Variants in EPB41L4B observed in about 807,000 individuals in gnomAD.
The protein encoded by EPB41L4B is erythrocyte membrane protein band 4.1 like 4B.
A neutral mutation model predicts 112.5 loss-of-function variants in EPB41L4B; 30 were observed. The observed-to-expected ratio is 0.27, with a 90% CI of 0.20 to 0.36. EPB41L4B has a LOEUF of 0.36. Among genes scored for constraint, EPB41L4B ranks in the 10% least tolerant of loss-of-function variants. EPB41L4B has a pLI of 1.00. For synonymous variants in EPB41L4B, 408 were observed against 439.7 expected, an observed-to-expected ratio of 0.93 and a Z score of 0.90; for missense variants, 1,024 against 1,133.3, an observed-to-expected ratio of 0.90 and a Z score of 1.38.
In EPB41L4B at chr9:109,172,143, C is replaced by T. The variant is rs990911176; in HGVS notation, c.*2411G>A. The T allele has an allele frequency of 1.3e-5, 2 of 152,148 alleles. No individual in the cohort carries two copies. The highest frequency in any genetic ancestry group is 4.1e-4 in the South Asian group (2 of 4,820). 9.4% of individuals were successfully genotyped at this position (152,148 alleles called of 1,614,324 possible). On this transcript the variant is annotated 3_prime_UTR_variant, in exon 26 of 26. Coordinates refer to ENST00000374566, the MANE Select transcript of EPB41L4B (RefSeq NM_019114.5). The stretch of plus-strand genomic sequence containing the variant: ...GGGAAGCGGGGAAGAAGCAGGAAGC[C>T]CAGAGCCTCCTGGAAACACTGGCCA...
rs146490056 is a variant in EPB41L4B at position 109,266,842 on chromosome 9, G to A, written c.533+631C>T. Among the ~76,000 whole-genome samples the A allele has an allele frequency of 3.5e-3, 524 of 151,836 alleles. 4 individuals are homozygous for A. Among genetic ancestry groups the A allele is most frequent in the African/African-American group, 0.012 (498 of 41,388 alleles). ...CAATTAGCAGAGTGTGATGGTGTGC[G>A]CCTGTAATCCCATCTACTCGGGTGG... On this transcript the variant is annotated intron_variant, in intron 4 of 25. Transcript: ENST00000374566.
intron 22 of EPB41L4B, among the ~76,000 whole-genome samples, chr9:109,188,709 C>T (rs1832353072): frequency 6.6e-6 from 1 of 152,160 alleles, no homozygotes; most frequent in African/African-American, 2.4e-5. Flanking sequence ...GGGCCTGTTC[C>T]AATGCCCTAC....
chr9:109,309,621 C>A (rs1837339189), intron 1 of EPB41L4B, among the ~76,000 whole-genome samples: 1 of 152,178 alleles, frequency 6.6e-6, no homozygotes, highest in South Asian at 2.1e-4. Flanking sequence ...CAACCCTGGC[C>A]AGATGCAGCA....
Position 109,249,749 on chromosome 9 carries a change from G to C in EPB41L4B, c.1310+1732C>G, listed in dbSNP as rs137962699. 8.8e-3 allele frequency among the ~76,000 whole-genome samples: 1,336 copies of C among 152,240 alleles called. 12 individuals carry two copies. Among genetic ancestry groups the C allele is most frequent in the Middle Eastern group, 0.044 (13 of 294 alleles). ...CTGCCAGAAGGATCCTAAAAATGGG[G>C]TGAATCTAGGGACCTACAACTAACC... is the stretch of plus-strand genomic sequence containing the variant. On this transcript the variant is annotated intron_variant, in intron 13 of 25. Coordinates refer to ENST00000374566, the MANE Select transcript of EPB41L4B (RefSeq NM_019114.5).
At chr9:109,247,308 A>G (rs1429505588) in intron 14 of EPB41L4B, among the ~76,000 whole-genome samples, 1 of 152,140 alleles carries the variant, frequency 6.6e-6, no homozygotes, top group Non-Finnish European at 1.5e-5. Context: ...CTCAGTGGAC[A>G]CTGTAAAATC....
chr9:109,197,669 G>T (rs973647229), intron 20 of EPB41L4B, among the ~76,000 whole-genome samples: 2 of 151,786 alleles, frequency 1.3e-5, no homozygotes, highest in Non-Finnish European at 2.9e-5. Flanking sequence ...GAGCCAGTTT[G>T]ATTAGCCGGG....
chr9:109,213,335 G>A (rs537783844), intron 17 of EPB41L4B, among the ~76,000 whole-genome samples: 1 of 152,124 alleles, frequency 6.6e-6, no homozygotes, highest in Non-Finnish European at 1.5e-5. Flanking sequence ...TCTGCAAATG[G>A]TTACTGAACA....
chr9:109,288,666 T>C lies in EPB41L4B; in HGVS notation c.307-8745A>G, dbSNP rs527877604. 1.1e-4 allele frequency among the ~76,000 whole-genome samples: 14 copies of C among 129,584 alleles called. No individual in the cohort carries two copies. In the East Asian group the frequency reaches 2.5e-3, roughly 23 times the overall value. 85.0% of individuals were successfully genotyped at this position (129,584 alleles called of 152,430 possible). A position where few individuals can be genotyped will look rare whatever the true frequency, so the allele number is the denominator to read the frequency against. The stretch of plus-strand genomic sequence containing the variant: ...TGAACCCAAAAGGCGGAGCTTGCAG[T>C]GAGCCGAGATCGTGCCACTGCACTC... On this transcript the variant is annotated intron_variant, in intron 1 of 25. Transcript: ENST00000374566.
rs575014761 is a variant in EPB41L4B, at chr9:109,311,232, A to AT, written c.306+8908dup. 2.5e-3 allele frequency among the ~76,000 whole-genome samples: 375 copies of AT among 152,330 alleles called. 1 individual carries two copies. The highest frequency in any genetic ancestry group is 8.9e-3 in the African/African-American group (369 of 41,574). ...TATTAATACCATGATTTTCAAAAAA[A>AT]TTCATAATTCAGGGTAGGTGCAGCT... On this transcript the variant is annotated intron_variant, in intron 1 of 25. Transcript: ENST00000374566.
intron 1 of EPB41L4B, among the ~76,000 whole-genome samples, chr9:109,281,588 G>A (rs186790574): frequency 3.2e-4 from 49 of 152,148 alleles, no homozygotes; most frequent in African/African-American, 9.9e-4. Flanking sequence ...CTGTAATCCC[G>A]CTATTCAGGA....
In EPB41L4B at chr9:109,207,999, A is replaced by G; in HGVS notation, c.1803T>C (p.Pro601=). 1 of 1,614,240 alleles carries G rather than the reference A, an allele frequency of 6.2e-7. No individual in the cohort carries two copies. Among genetic ancestry groups the G allele is most frequent in the Non-Finnish European group, 8.5e-7 (1 of 1,180,044 alleles). Residue 601 remains proline, a synonymous_variant, in exon 18 of 26, where the codon CCT becomes CCC. Coordinates refer to ENST00000374566, the MANE Select transcript of EPB41L4B (RefSeq NM_019114.5). ...SEKTLQTPLL[P]SPVADHVKCN... Reference sequence around the variant, plus strand: ...ACTTCACATGATCCGCAACAGGGGAAGGCAAAAGTGGAGTCTGAAGAGTTT... The same window carrying G: ...ACTTCACATGATCCGCAACAGGGGAGGGCAAAAGTGGAGTCTGAAGAGTTT...
chr9:109,287,023 TGA>T (rs1397059106), intron 1 of EPB41L4B, among the ~76,000 whole-genome samples: 1 of 152,230 alleles, frequency 6.6e-6, no homozygotes, highest in Non-Finnish European at 1.5e-5. Context: ...CTGGTGTTTT[TGA>T]GTCAGTCTAT....
intron 25 of EPB41L4B, among the ~76,000 whole-genome samples, chr9:109,175,445 A>G (rs376073475): frequency 3.3e-5 from 5 of 149,298 alleles, no homozygotes; most frequent in African/African-American, 1.2e-4. Flanking sequence ...TTGCATATCT[A>G]TGTAACCTGT....
chr9:109,276,653 G>A (rs1835842654), intron 2 of EPB41L4B, among the ~76,000 whole-genome samples: 1 of 152,220 alleles, frequency 6.6e-6, no homozygotes, highest in Non-Finnish European at 1.5e-5. Context: ...GTATCCTGCT[G>A]TGAACACCCC....
At chr9:109,226,395 C>A (rs1334903803) in intron 15 of EPB41L4B, among the ~76,000 whole-genome samples, 1 of 152,004 alleles carries the variant, frequency 6.6e-6, no homozygotes, top group South Asian at 2.1e-4. Flanking sequence ...CTGCCACTTC[C>A]CCTTGTCCCT....
At chr9:109,280,634 TGA>T (rs1274939771) in intron 1 of EPB41L4B, among the ~76,000 whole-genome samples, 2 of 152,146 alleles carry the variant, frequency 1.3e-5, no homozygotes, top group South Asian at 2.1e-4. Context: ...TTGGGAAAAC[TGA>T]GAGAGAGTCT....
intron 25 of EPB41L4B, 62 bp downstream of exon 25, chr9:109,176,488 CT>C (rs1831842711): frequency 3.3e-6 from 5 of 1,525,044 alleles, no homozygotes; most frequent in Non-Finnish European, 4.4e-6. Context: ...CACAATGAAC[CT>C]AGAGTCTCCC....
Position 109,182,738 on chromosome 9 carries a change from T to C in EPB41L4B, c.2478A>G (p.Pro826=). The C allele has an allele frequency of 6.2e-7, 1 of 1,611,166 alleles. No homozygotes were observed. The highest frequency in any genetic ancestry group is 8.5e-7 in the Non-Finnish European group (1 of 1,177,258). Residue 826 remains proline, a synonymous_variant, in exon 24 of 26, where the codon CCA becomes CCG. Transcript: ENST00000374566. The part of the protein sequence containing the change: ...NPFPDTFTTG[P]QFTADFRDSK... Reference sequence around the variant, plus strand: ...TTCTGGATCTACTTACAGTAAACTGTGGCCCTGTGGTGAAAGTATCAGGAA... The same window carrying C: ...TTCTGGATCTACTTACAGTAAACTGCGGCCCTGTGGTGAAAGTATCAGGAA...
At position 109,172,493 on chromosome 9, in the gene EPB41L4B, G is replaced by T. The variant is rs1831666303; in HGVS notation, c.*2061C>A. ...TACAATTGCCCCGGATAGCTCCACT[G>T]ACAGAGCAGAGAGCAGTAAAAAACC... On this transcript the variant is annotated 3_prime_UTR_variant, in exon 26 of 26. Coordinates refer to ENST00000374566, the MANE Select transcript of EPB41L4B (RefSeq NM_019114.5). The T allele has an allele frequency of 1.3e-5, 2 of 152,208 alleles. No homozygotes were observed. Among genetic ancestry groups the T allele is most frequent in the Non-Finnish European group, 2.9e-5 (2 of 68,048 alleles). The allele number at this position is 152,208 out of a possible 1,614,324, so 9.4% of individuals were successfully genotyped here.
Sources: gnomAD v4.1 joint callset for allele counts (sites outside exome capture counted in the v4.1 genomes callset) on GRCh38, gnomAD v4.1.1 for gene constraint, MANE v1.5 for transcripts, NCBI Gene and HGNC (gene_info 2026-07-23, HGNC 2026-07-21) for gene names.